The following HDAC3 variants were observed in gnomAD, a reference collection of about 807,000 sequenced individuals.
HDAC3 encodes the protein histone deacetylase 3.
In HDAC3, 21 loss-of-function variants were observed where a neutral mutation model predicts 62.3. The ratio of observed to expected loss-of-function variants is 0.34; its 90% confidence interval spans 0.24 to 0.49. The LOEUF (loss-of-function observed/expected upper bound fraction) is 0.49, where lower values mean the gene tolerates loss of function less well. Among genes scored for constraint, HDAC3 ranks in the 20% least tolerant of loss-of-function variants. The probability of loss-of-function intolerance (pLI) is 0.99; values close to 1 mark genes in which losing one functional copy is unlikely to be tolerated. For missense variants in HDAC3, 270 were observed against 556.9 expected (o/e 0.48, Z 5.19); for synonymous variants, 198 against 206.5 (o/e 0.96, Z 0.35).
In HDAC3 at chr5:141,626,312, G is replaced by A. The variant is rs946219404; in HGVS notation, c.831-29C>T. On this transcript the variant is annotated intron_variant, in intron 10 of 14. Coordinates refer to ENST00000305264, the MANE Select transcript of HDAC3 (RefSeq NM_003883.4). The surrounding 1 kb of genome is among the most constrained non-coding windows in gnomAD (Gnocchi z 4.6). ...TTAAAAGGAACCAGAGGAAGATGTG[G>A]AGGAGGTTATCAAAAGACAAGGTAA... The A allele has an allele frequency of 1.3e-6, 2 of 1,572,530 alleles. No individual in the cohort carries two copies. The highest frequency in any genetic ancestry group is 8.8e-7 in the Non-Finnish European group (1 of 1,142,790).
intron 3 of HDAC3, 79 bp from the exon 4 acceptor site, chr5:141,630,204 C>G: frequency 7.7e-7 from 1 of 1,294,522 alleles, no homozygotes; most frequent in Non-Finnish European, 1.1e-6. Flanking sequence ...ATCCTAGATT[C>G]CTCCAATCTC....
At chr5:141,630,620 T>C (rs2099905064) in intron 3 of HDAC3, among the ~76,000 whole-genome samples, 1 of 152,244 alleles carries the variant, frequency 6.6e-6, no homozygotes, top group Non-Finnish European at 1.5e-5. Flanking sequence ...TTAATAAATG[T>C]CAGCTATAAT....
intron 14 of HDAC3, among the ~76,000 whole-genome samples, chr5:141,623,091 C>G (rs2099903935): frequency 6.6e-6 from 1 of 152,066 alleles, no homozygotes; most frequent in Admixed American, 6.6e-5. Flanking sequence ...CCATTGCACT[C>G]CAGCCTGGGC....
At position 141,626,339 on chromosome 5, in the gene HDAC3, T is replaced by C. The variant is rs535642960; in HGVS notation, c.831-56A>G. 7.0e-6 allele frequency: 9 copies of C among 1,292,686 alleles called. No homozygotes were observed. In the East Asian group the frequency reaches 1.6e-4, roughly 23 times the overall value. 80.1% of individuals were successfully genotyped at this position (1,292,686 alleles called of 1,614,324 possible). On this transcript the variant is annotated intron_variant, in intron 10 of 14. Transcript: ENST00000305264. This position sits in a 1 kb window ranked among gnomAD's most constrained non-coding sequence, Gnocchi z 4.6. Reference sequence around the variant, plus strand: ...GGAGGTTATCAAAAGACAAGGTAAATACCTTTAGGTATTGCCTGAAAGGAG... The same window carrying C: ...GGAGGTTATCAAAAGACAAGGTAAACACCTTTAGGTATTGCCTGAAAGGAG...
chr5:141,632,544 A>C (rs2099905376), intron 3 of HDAC3, among the ~76,000 whole-genome samples: 1 of 152,220 alleles, frequency 6.6e-6, no homozygotes, highest in African/African-American at 2.4e-5. Context: ...CCCTAATCGC[A>C]CAAAGAGCAT....
chr5:141,636,606 TG>T lies in HDAC3; in HGVS notation c.79del (p.His27IlefsTer5). ...HYGAGHPMKP[H>X]RLALTHSLVL... is the part of the protein sequence containing the mutation. ...CAGGCTATGGGTCAATGCCAGGCGA[TG>T]GGGCTTCATAGGGTGTCCAGCTCCT... On this transcript the variant is annotated frameshift_variant, in exon 2 of 15. Transcript: ENST00000305264. LOFTEE classifies it high-confidence loss of function. 6.2e-7 allele frequency: 1 copy of T among 1,613,996 alleles called. No homozygotes were observed. Among genetic ancestry groups the T allele is most frequent in the Non-Finnish European group, 8.5e-7 (1 of 1,179,964 alleles).
intron 14 of HDAC3, among the ~76,000 whole-genome samples, chr5:141,622,765 G>A (rs1366537064): frequency 1.3e-5 from 2 of 152,144 alleles, no homozygotes; most frequent in African/African-American, 2.4e-5. Flanking sequence ...TGGAGTCAGA[G>A]AATCAGGTTG....
At chr5:141,633,702 T>C (rs2099905554) in intron 3 of HDAC3, among the ~76,000 whole-genome samples, 1 of 151,332 alleles carries the variant, frequency 6.6e-6, no homozygotes. Context: ...GGCAGGCGCC[T>C]GTAATCCCAG....
chr5:141,626,427 C>T lies in HDAC3; in HGVS notation c.831-144G>A. 1 of 674,920 alleles carries T rather than the reference C, an allele frequency of 1.5e-6. No homozygotes were observed. The highest frequency in any genetic ancestry group is 2.6e-6 in the Non-Finnish European group (1 of 385,506). The allele number at this position is 674,920 out of a possible 1,614,324, so 41.8% of individuals were successfully genotyped here. A position where few individuals can be genotyped will look rare whatever the true frequency, so the allele number is the denominator to read the frequency against. ...ATAGTGAAATTCATTATGTTATACC[C>T]TTAAGATTTGGGTATACTTTATATG... On this transcript the variant is annotated intron_variant, in intron 10 of 14. Transcript: ENST00000305264. This position sits in a 1 kb window ranked among gnomAD's most constrained non-coding sequence, Gnocchi z 4.6.
At chr5:141,623,971 C>CATTCT (rs2099904061) in intron 14 of HDAC3, among the ~76,000 whole-genome samples, 1 of 151,324 alleles carries the variant, frequency 6.6e-6, no homozygotes, top group Admixed American at 6.6e-5. Context: ...AAAAAAATTC[C>CATTCT]ATCCTATCCT....
rs901554996 is a variant in HDAC3 at position 141,629,792 on chromosome 5, C to A, written c.421-53G>T. 2 of 1,609,860 alleles carry A rather than the reference C, an allele frequency of 1.2e-6. No individual in the cohort carries two copies. The highest frequency in any genetic ancestry group is 1.7e-6 in the Non-Finnish European group (2 of 1,176,200). On this transcript the variant is annotated intron_variant, in intron 5 of 14. Transcript: ENST00000305264. The surrounding 1 kb of genome is among the most constrained non-coding windows in gnomAD (Gnocchi z 5.3). ...AGAAGAGCAATTCCCCTCCCAGCTG[C>A]CCCCCACCATCATCCTAAACACCTA... is the stretch of plus-strand genomic sequence containing the variant.
At chr5:141,633,047 A>G (rs920142481) in intron 3 of HDAC3, among the ~76,000 whole-genome samples, 1 of 152,230 alleles carries the variant, frequency 6.6e-6, no homozygotes, top group African/African-American at 2.4e-5. Context: ...TATATATAAC[A>G]TCAGAAAAAG....
Position 141,630,047 on chromosome 5 carries a change from G to A in HDAC3, c.360C>T (p.Asn120=), listed in dbSNP as rs751599365. ...ASLQGATQLN[N]KICDIAINWA... ...ACAGGACTCGGGACTATGTCACCTTGTTGTTCAGCTGGGTTGCTCCTTGCA... is the reference window on the plus strand; with the variant it reads ...ACAGGACTCGGGACTATGTCACCTTATTGTTCAGCTGGGTTGCTCCTTGCA... Residue 120 remains asparagine (N), a synonymous_variant, in exon 4 of 15, where the codon AAC becomes AAT. Transcript: ENST00000305264. 2.5e-6 allele frequency: 4 copies of A among 1,614,164 alleles called. No homozygotes were observed. Among genetic ancestry groups the A allele is most frequent in the Non-Finnish European group, 3.4e-6 (4 of 1,180,006 alleles).
Position 141,621,482 on chromosome 5 carries a change from C to T in HDAC3, c.1273G>A (p.Asp425Asn). Residue 425 changes from aspartate (D) to asparagine (N), a missense_variant, in exon 15 of 15, where the codon GAT (aspartate) becomes AAT (asparagine). Around this residue, in one of 5 missense-constraint regions of HDAC3, gnomAD observed 44 missense variants for 64.3 expected, o/e 0.68. Coordinates refer to ENST00000305264, the MANE Select transcript of HDAC3 (RefSeq NM_003883.4). ...DGDHDNDKESDVEI is the reference protein window; with the variant it reads ...DGDHDNDKESNVEI Reference sequence around the variant, plus strand: ...CCAAGCCACTCTTAAATCTCCACATCGCTTTCCTTGTCATTGTCATGGTCT... The same window carrying T: ...CCAAGCCACTCTTAAATCTCCACATTGCTTTCCTTGTCATTGTCATGGTCT... 1 of 1,613,968 alleles carries T rather than the reference C, an allele frequency of 6.2e-7. No homozygotes were observed. The highest frequency in any genetic ancestry group is 8.5e-7 in the Non-Finnish European group (1 of 1,179,886).
intron 3 of HDAC3, among the ~76,000 whole-genome samples, chr5:141,634,357 T>C (rs896076358): frequency 6.6e-6 from 1 of 152,130 alleles, no homozygotes; most frequent in Admixed American, 6.5e-5. Flanking sequence ...TCATACTCAG[T>C]CCTACCACAG....
chr5:141,626,646 G>A lies in HDAC3; in HGVS notation c.831-363C>T, dbSNP rs967633869. Reference sequence around the variant, plus strand: ...TAGTCCCAGCTACTCAGGAGGCTGAGGCAGGAGAAATGCTTGAACCCAGGA... The same window carrying A: ...TAGTCCCAGCTACTCAGGAGGCTGAAGCAGGAGAAATGCTTGAACCCAGGA... On this transcript the variant is annotated intron_variant, in intron 10 of 14. Transcript: ENST00000305264. The surrounding 1 kb of genome is among the most constrained non-coding windows in gnomAD (Gnocchi z 4.6). Among the ~76,000 whole-genome samples, 3 of 152,022 alleles carry A rather than the reference G, an allele frequency of 2.0e-5. No homozygotes were observed. Among genetic ancestry groups the A allele is most frequent in the Admixed American group, 1.3e-4 (2 of 15,256 alleles).
In HDAC3 at chr5:141,627,903, G is replaced by A. The variant is rs777247903; in HGVS notation, c.820C>T (p.Arg274Ter). ...DRLGCFNLSIRGHGECVEYVK... is the reference protein window; with the variant it reads ...DRLGCFNLSI ...GAGAGCAAGTCTCACCCATGCCCTCGGATGCTGAGGTTAAAGCAGCCCAAT... is the reference window on the plus strand; with the variant it reads ...GAGAGCAAGTCTCACCCATGCCCTCAGATGCTGAGGTTAAAGCAGCCCAAT... Residue 274 changes from arginine to a stop codon, truncating the protein, a stop_gained, in exon 10 of 15, where the codon CGA becomes TGA. Coordinates refer to ENST00000305264, the MANE Select transcript of HDAC3 (RefSeq NM_003883.4). LOFTEE classifies it high-confidence loss of function. The A allele has an allele frequency of 2.5e-6, 4 of 1,613,952 alleles. No individual in the cohort carries two copies. Among genetic ancestry groups the A allele is most frequent in the African/African-American group, 2.7e-5 (2 of 74,884 alleles).
rs2099904975 is a variant in HDAC3, at chr5:141,630,093, G to A, written c.314C>T (p.Ser105Leu). Residue 105 changes from serine to leucine, a missense_variant, in exon 4 of 15, where the codon TCG (serine) becomes TTG (leucine). Around this residue, in one of 5 missense-constraint regions of HDAC3, gnomAD observed 156 missense variants for 383.9 expected, o/e 0.41. Transcript: ENST00000305264. Reference sequence around the variant, plus strand: ...TTGCAGAGATGCGCCTGTGTAACGCGAGCAGAACTCAAAGAGCCCGGGAAA... The same window carrying A: ...TTGCAGAGATGCGCCTGTGTAACGCAAGCAGAACTCAAAGAGCCCGGGAAA... Reference protein sequence around the residue: ...PVFPGLFEFCSRYTGASLQGA... With the variant: ...PVFPGLFEFCLRYTGASLQGA... The A allele has an allele frequency of 6.2e-7, 1 of 1,614,090 alleles. No individual in the cohort carries two copies. The highest frequency in any genetic ancestry group is 8.5e-7 in the Non-Finnish European group (1 of 1,180,036).
At chr5:141,630,924 T>G (rs2099905115) in intron 3 of HDAC3, among the ~76,000 whole-genome samples, 2 of 151,336 alleles carry the variant, frequency 1.3e-5, no homozygotes, top group South Asian at 4.2e-4. Context: ...TGGGCCTAAG[T>G]GATCCTCCCG....
Sources: allele counts gnomAD v4.1 joint callset (sites outside exome capture counted in the v4.1 genomes callset), GRCh38; gene constraint gnomAD v4.1.1; regional missense constraint gnomAD v4.1.1; non-coding constraint Gnocchi (gnomAD v3.1); transcripts MANE v1.5; gene names NCBI Gene and HGNC (gene_info 2026-07-23, HGNC 2026-07-21).